Variants in RAB1B observed in about 807,000 individuals in gnomAD.
The protein encoded by RAB1B is RAB1B, member RAS oncogene family.
Under a neutral mutation model 24.8 loss-of-function variants are expected in RAB1B, and 10 were observed. That is an observed-to-expected ratio of 0.40 (90% CI 0.25 to 0.68). RAB1B has a LOEUF of 0.68. Ranked by LOEUF, RAB1B falls within the 30% of genes least tolerant of loss-of-function variation. The probability of loss-of-function intolerance (pLI) is 0.37; values close to 1 mark genes in which losing one functional copy is unlikely to be tolerated. For missense variants in RAB1B, 154 were observed against 271.2 expected (o/e 0.57, Z 3.04); for synonymous variants, 99 against 111.7 (o/e 0.89, Z 0.72).
intron 4 of RAB1B, chr11:66,272,703 A>T (rs1857080717): frequency 2.9e-6 from 1 of 345,280 alleles, no homozygotes; most frequent in Non-Finnish European, 5.3e-6. Flanking sequence ...TGGCAGGACA[A>T]GGCCTCACAC....
intron 4 of RAB1B, among the ~76,000 whole-genome samples, chr11:66,275,354 G>A (rs983557929): frequency 2.6e-5 from 4 of 152,214 alleles, no homozygotes; most frequent in African/African-American, 9.6e-5. Context: ...GGCCACCTCT[G>A]AGAGGACCCT....
intron 1 of RAB1B, 93 bp downstream of exon 1, chr11:66,268,786 G>A (rs1343817925): frequency 2.4e-6 from 3 of 1,269,840 alleles, no homozygotes; most frequent in African/African-American, 3.1e-5. Context: ...GGTCAGGACT[G>A]TGCGGCGCCC....
chr11:66,275,798 C>G lies in RAB1B; in HGVS notation c.280-6C>G. The stretch of plus-strand genomic sequence containing the variant: ...CAAAATAACTTTGGCCCCTGGCCCC[C>G]TTTAGGAATCCTACGCCAACGTGAA... On this transcript the variant is annotated splice_polypyrimidine_tract_variant and splice_region_variant and intron_variant, in intron 4 of 5. Coordinates refer to ENST00000311481, the MANE Select transcript of RAB1B (RefSeq NM_030981.3). The G allele has an allele frequency of 6.4e-7, 1 of 1,571,616 alleles. No homozygotes were observed. The highest frequency in any genetic ancestry group is 8.6e-7 in the Non-Finnish European group (1 of 1,158,318).
In RAB1B at chr11:66,268,703, C is replaced by T. The variant is rs1856983657; in HGVS notation, c.14+10C>T. The T allele has an allele frequency of 2.6e-6, 4 of 1,564,802 alleles. No individual in the cohort carries two copies. Among genetic ancestry groups the T allele is most frequent in the South Asian group, 1.2e-5 (1 of 84,182 alleles). On this transcript the variant is annotated intron_variant, in intron 1 of 5. Transcript: ENST00000311481. The stretch of plus-strand genomic sequence containing the variant: ...CCATGAACCCCGAATAGTGAGTGAG[C>T]CCCGCCCGCGCCGTCCAGCGCAGCC...
rs202183182 is a variant in RAB1B, at chr11:66,276,206, C to G, written c.574C>G (p.Pro192Ala). The change falls in exon 6 of 6, where the codon CCT becomes GCT. Residue 192 changes from proline (P) to alanine (A), a missense_variant. Coordinates refer to ENST00000311481, the MANE Select transcript of RAB1B (RefSeq NM_030981.3). The stretch of plus-strand genomic sequence containing the variant: ...GCCCAATCTCAAGATCGACAGCACC[C>G]CTGTAAAGCCGGCTGGCGGTGGCTG... ...ERPNLKIDST[P>A]VKPAGGGCC The G allele has an allele frequency of 1.6e-5, 25 of 1,599,270 alleles. No individual in the cohort carries two copies. The East Asian group carries it at 4.7e-4, about 30-fold the overall frequency.
In RAB1B at chr11:66,276,635, C is replaced by G; in HGVS notation, c.*397C>G. 1 of 175,142 alleles carries G rather than the reference C, an allele frequency of 5.7e-6. No homozygotes were observed. The highest frequency in any genetic ancestry group is 1.6e-4 in the South Asian group (1 of 6,414). The allele number at this position is 175,142 out of a possible 1,614,324, so 10.8% of individuals were successfully genotyped here. On this transcript the variant is annotated 3_prime_UTR_variant, in exon 6 of 6. Transcript: ENST00000311481. ...CAAGAACTGAGGGTCTCCCCGGCCT[C>G]TACTGCCCTGGCTGCAGTCAGTGCC...
intron 4 of RAB1B, 43 bp downstream of exon 4, chr11:66,272,503 T>A: frequency 7.5e-7 from 1 of 1,331,162 alleles, no homozygotes; most frequent in Non-Finnish European, 1.0e-6. Context: ...TCCTTAGCCT[T>A]AGGTCTTTGA....
At chr11:66,272,285 A>G in intron 3 of RAB1B, 33 bp downstream of exon 3, 1 of 1,601,224 alleles carries the variant, frequency 6.2e-7, no homozygotes, top group Non-Finnish European at 8.6e-7. Context: ...TCCCCAGTAC[A>G]GAGGTATCCA....
Position 66,272,467 on chromosome 11 carries a change from C to T in RAB1B, c.279+7C>T. Reference sequence around the variant, plus strand: ...GTATGACGTCACTGACCAGGTACTCCTGGACTAGCCATCCTCAGCTTGGCC... The same window carrying T: ...GTATGACGTCACTGACCAGGTACTCTTGGACTAGCCATCCTCAGCTTGGCC... On this transcript the variant is annotated splice_region_variant and intron_variant, in intron 4 of 5. Transcript: ENST00000311481. 5 of 1,558,524 alleles carry T rather than the reference C, an allele frequency of 3.2e-6. No individual in the cohort carries two copies. Among genetic ancestry groups the T allele is most frequent in the Non-Finnish European group, 4.4e-6 (5 of 1,147,908 alleles).
chr11:66,271,408 A>G (rs770852054), intron 1 of RAB1B: 19 of 160,896 alleles, frequency 1.2e-4, no homozygotes, highest in Non-Finnish European at 2.4e-4. Context: ...GAATTGCTTG[A>G]ACCCGGCAGA....
At position 66,276,046 on chromosome 11, in the gene RAB1B, G is replaced by A. The variant is rs1857138148; in HGVS notation, c.414G>A (p.Glu138=). ...KKVVDNTTAK[E]FADSLGIPFL... is the part of the protein sequence containing the mutation. ...TCTTCTCTCCTCTCCCTTGTCAGGAGTTTGCAGACTCTCTGGGCATCCCCT... is the reference window on the plus strand; with the variant it reads ...TCTTCTCTCCTCTCCCTTGTCAGGAATTTGCAGACTCTCTGGGCATCCCCT... The change falls in exon 6 of 6, where the codon GAG becomes GAA. Residue 138 remains glutamate (E), a splice_region_variant and synonymous_variant. Coordinates refer to ENST00000311481, the MANE Select transcript of RAB1B (RefSeq NM_030981.3). 1.2e-6 allele frequency: 2 copies of A among 1,612,804 alleles called. No homozygotes were observed. The highest frequency in any genetic ancestry group is 2.2e-5 in the South Asian group (2 of 90,748).
At chr11:66,271,932 G>A (rs2134861916) in intron 2 of RAB1B, 63 bp downstream of exon 2, 4 of 1,341,594 alleles carry the variant, frequency 3.0e-6, no homozygotes, top group Admixed American at 1.7e-5. Flanking sequence ...GGGGAGAAGG[G>A]ACAACACAGA....
At chr11:66,271,585 A>T in intron 1 of RAB1B, 1 of 439,128 alleles carries the variant, frequency 2.3e-6, no homozygotes, top group Non-Finnish European at 4.1e-6. Flanking sequence ...TGGGAAGATC[A>T]CTTTGAGCCC....
Position 66,276,636 on chromosome 11 carries a change from T to C in RAB1B, c.*398T>C. On this transcript the variant is annotated 3_prime_UTR_variant, in exon 6 of 6. Transcript: ENST00000311481. ...AAGAACTGAGGGTCTCCCCGGCCTCTACTGCCCTGGCTGCAGTCAGTGCCC... is the reference window on the plus strand; with the variant it reads ...AAGAACTGAGGGTCTCCCCGGCCTCCACTGCCCTGGCTGCAGTCAGTGCCC... 5.8e-6 allele frequency: 1 copy of C among 173,064 alleles called. No homozygotes were observed. Among genetic ancestry groups the C allele is most frequent in the Non-Finnish European group, 1.2e-5 (1 of 82,482 alleles). The allele number at this position is 173,064 out of a possible 1,614,324, so 10.7% of individuals were successfully genotyped here.
chr11:66,272,422 G>A lies in RAB1B; in HGVS notation c.241G>A (p.Ala81Thr). Residue 81 changes from alanine (A) to threonine (T), a missense_variant, in exon 4 of 6, where the codon GCT becomes ACT. Coordinates refer to ENST00000311481, the MANE Select transcript of RAB1B (RefSeq NM_030981.3). ...RTITSSYYRGAHGIIVVYDVT... is the reference protein window; with the variant it reads ...RTITSSYYRGTHGIIVVYDVT... ...CATCACTTCCAGCTACTACCGGGGG[G>A]CTCATGGCATCATCGTGGTGTATGA... 6.2e-7 allele frequency: 1 copy of A among 1,604,822 alleles called. No homozygotes were observed. Among genetic ancestry groups the A allele is most frequent in the South Asian group, 1.1e-5 (1 of 89,484 alleles).
Position 66,268,676 on chromosome 11 carries a change from C to T in RAB1B, c.-4C>T, listed in dbSNP as rs1243555141. Reference sequence around the variant, plus strand: ...GAGCGACCGAGCGGGCCGCCGCCGCCGCCATGAACCCCGAATAGTGAGTGA... The same window carrying T: ...GAGCGACCGAGCGGGCCGCCGCCGCTGCCATGAACCCCGAATAGTGAGTGA... On this transcript the variant is annotated 5_prime_UTR_variant, in exon 1 of 6. Coordinates refer to ENST00000311481, the MANE Select transcript of RAB1B (RefSeq NM_030981.3). 5 of 1,568,558 alleles carry T rather than the reference C, an allele frequency of 3.2e-6. No homozygotes were observed. The Admixed American group carries it at 5.8e-5, about 18-fold the overall frequency.
Position 66,272,272 on chromosome 11 carries a change from A to G in RAB1B, c.183+20A>G, listed in dbSNP as rs779919661. Reference sequence around the variant, plus strand: ...CAGATCGTGAGTGTCGCTCTTCCCAAAATCCCCAGTACAGAGGTATCCACC... The same window carrying G: ...CAGATCGTGAGTGTCGCTCTTCCCAGAATCCCCAGTACAGAGGTATCCACC... On this transcript the variant is annotated intron_variant, in intron 3 of 5. Coordinates refer to ENST00000311481, the MANE Select transcript of RAB1B (RefSeq NM_030981.3). 1 of 1,608,728 alleles carries G rather than the reference A, an allele frequency of 6.2e-7. No individual in the cohort carries two copies. Among genetic ancestry groups the G allele is most frequent in the Non-Finnish European group, 8.5e-7 (1 of 1,175,142 alleles).
rs756781379 is a variant in RAB1B at position 66,276,019 on chromosome 11, CCTCTT to C, written c.412-20_412-16del. 28 of 1,609,128 alleles carry C rather than the reference CCTCTT, an allele frequency of 1.7e-5. No homozygotes were observed. The Middle Eastern group carries it at 6.6e-4, about 38-fold the overall frequency. On this transcript the variant is annotated intron_variant, in intron 5 of 5. Coordinates refer to ENST00000311481, the MANE Select transcript of RAB1B (RefSeq NM_030981.3). ...GCTCTCCCCTCCTCTTCTCTCCCCT[CCTCTT>C]CTCTCCTCTCCCTTGTCAGGAGTTT...
At chr11:66,270,844 C>T (rs1374657079) in intron 1 of RAB1B, 1 of 152,292 alleles carries the variant, frequency 6.6e-6, no homozygotes, top group Admixed American at 6.5e-5. Flanking sequence ...ATAGCTCCTA[C>T]TGGACCAAAC....
Sources: gnomAD v4.1 joint callset for allele counts (sites outside exome capture counted in the v4.1 genomes callset) on GRCh38, gnomAD v4.1.1 for gene constraint, MANE v1.5 for transcripts, NCBI Gene and HGNC (gene_info 2026-07-23, HGNC 2026-07-21) for gene names.